LY75: variants seen among roughly 807,000 people sequenced by gnomAD.
LY75 encodes the protein C-type lectin domain family 13 member B.
A neutral mutation model predicts 231.7 loss-of-function variants in LY75; 185 were observed. That is an observed-to-expected ratio of 0.80 (90% confidence interval 0.71 to 0.90). The LOEUF (loss-of-function observed/expected upper bound fraction) is 0.90. Among genes scored for constraint, LY75 ranks in the 40% least tolerant of loss-of-function variants. The pLI, the probability that LY75 is intolerant of heterozygous loss-of-function variation, is 0.00. For synonymous variants in LY75, 668 were observed against 689.0 expected (o/e 0.97, Z 0.48); for missense variants, 1,947 against 2,050.2 (o/e 0.95, Z 0.97).
chr2:159,878,849 C>T, intron 9 of LY75, 128 bp from the exon 10 acceptor site: 2 of 997,038 alleles, frequency 2.0e-6, no homozygotes, highest in Admixed American at 4.6e-5. Context: ...CTATTGAAAT[C>T]ATACATGTGA....
intron 6 of LY75, among the ~76,000 whole-genome samples, chr2:159,883,205 G>T (rs1034682415): frequency 1.3e-5 from 2 of 150,364 alleles, no homozygotes; most frequent in African/African-American, 2.4e-5. Context: ...TGGGTGCAGC[G>T]CACCAGCATG....
intron 23 of LY75, among the ~76,000 whole-genome samples, chr2:159,843,747 C>G (rs916660224): frequency 1.3e-5 from 2 of 151,992 alleles, no homozygotes; most frequent in Non-Finnish European, 2.9e-5. Context: ...AGAGTATGAT[C>G]TCTGCAAAGA....
At position 159,854,432 on chromosome 2, in the gene LY75, G is replaced by T; in HGVS notation, c.2523C>A (p.Ala841=). The T allele has an allele frequency of 6.3e-7, 1 of 1,576,870 alleles. No individual in the cohort carries two copies. Among genetic ancestry groups the T allele is most frequent in the Non-Finnish European group, 8.6e-7 (1 of 1,156,882 alleles). The part of the protein sequence containing the change: ...LNYEEAVLYC[A]SNHSFLATIT... ...TAGTTGCAAGAAAGCTGTGATTGCTGGCACAGTACAGGACGGCTTCTTCAT... is the reference window on the plus strand; with the variant it reads ...TAGTTGCAAGAAAGCTGTGATTGCTTGCACAGTACAGGACGGCTTCTTCAT... Residue 841 remains alanine, a synonymous_variant, in exon 18 of 35, where the codon GCC becomes GCA. Transcript: ENST00000263636.
At position 159,834,042 on chromosome 2, in the gene LY75, A is replaced by C; in HGVS notation, c.3841+2T>G. The C allele has an allele frequency of 6.2e-7, 1 of 1,612,904 alleles. No individual in the cohort carries two copies. The highest frequency in any genetic ancestry group is 1.1e-5 in the South Asian group (1 of 90,942). ...ATGAGAATGGACTAATATAATACTT[A>C]CTCAGTTTCTGGCATTTAGTATGAA... On this transcript the variant is annotated splice_donor_variant, in intron 27 of 34. Coordinates refer to ENST00000263636, the MANE Select transcript of LY75 (RefSeq NM_002349.4). LOFTEE classifies it high-confidence loss of function.
chr2:159,839,866 C>A (rs149978370), intron 25 of LY75, among the ~76,000 whole-genome samples: 4,631 of 151,862 alleles, frequency 0.03, 217 homozygotes, highest in African/African-American at 0.1. Flanking sequence ...ATTAGCTGGG[C>A]GTGTTGGCGC....
intron 28 of LY75, among the ~76,000 whole-genome samples, chr2:159,826,367 G>C (rs1449799522): frequency 6.6e-6 from 1 of 152,074 alleles, no homozygotes; most frequent in African/African-American, 2.4e-5. Context: ...CTGTTACAAA[G>C]AGAATAAAAT....
At chr2:159,878,104 T>G (rs1685326907) in intron 11 of LY75, among the ~76,000 whole-genome samples, 1 of 152,172 alleles carries the variant, frequency 6.6e-6, no homozygotes, top group Non-Finnish European at 1.5e-5. Flanking sequence ...GATGGTGGTT[T>G]GGGAGAACTA....
chr2:159,806,958 AG>A lies in LY75; in HGVS notation c.4990+14del. 1.2e-6 allele frequency: 2 copies of A among 1,604,312 alleles called. No individual in the cohort carries two copies. Among genetic ancestry groups the A allele is most frequent in the Non-Finnish European group, 1.7e-6 (2 of 1,175,000 alleles). ...GTTCTGCAAAAAGTCTCCTAAGGAC[AG>A]GTTCCATACTTACCCAGAGGCACTT... On this transcript the variant is annotated intron_variant, in intron 34 of 34. Transcript: ENST00000263636.
At chr2:159,850,593 T>C in intron 21 of LY75, 126 bp from the exon 22 acceptor site, 1 of 1,171,600 alleles carries the variant, frequency 8.5e-7, no homozygotes, top group Non-Finnish European at 1.2e-6. Context: ...ATTTGCAATG[T>C]AGTACCATAA....
chr2:159,861,146 T>C (rs1684689033), intron 14 of LY75, among the ~76,000 whole-genome samples: 1 of 152,186 alleles, frequency 6.6e-6, no homozygotes, highest in Non-Finnish European at 1.5e-5. Flanking sequence ...GCTGGAGTCA[T>C]AGAGAATCAG....
rs569199336 is a variant in LY75, at chr2:159,894,224, T to C, written c.467-140A>G. 8.3e-6 allele frequency: 9 copies of C among 1,086,842 alleles called. No homozygotes were observed. In the African/African-American group the frequency reaches 1.3e-4, roughly 16 times the overall value. The allele number at this position is 1,086,842 out of a possible 1,614,324, so 67.3% of individuals were successfully genotyped here. On this transcript the variant is annotated intron_variant, in intron 2 of 34. Coordinates refer to ENST00000263636, the MANE Select transcript of LY75 (RefSeq NM_002349.4). ...GTGTAGGAATTCAGAGCATGGGTGC[T>C]GTCAGGTCTGGATATGAATGCTGGC...
Position 159,805,173 on chromosome 2 carries a change from T to C in LY75, c.5040A>G (p.Leu1680=), listed in dbSNP as rs778048939. ...ACCAAATCAGTCCGCCCATGAGAAC[T>C]AAGATACTTAGTGTGGCAACTATGA... is the stretch of plus-strand genomic sequence containing the variant. The part of the protein sequence containing the change: ...IAIIVATLSI[L]VLMGGLIWFL... Residue 1680 remains leucine (L), a synonymous_variant, in exon 35 of 35, where the codon TTA becomes TTG. Transcript: ENST00000263636. The C allele has an allele frequency of 6.2e-7, 1 of 1,614,140 alleles. No individual in the cohort carries two copies. Among genetic ancestry groups the C allele is most frequent in the Non-Finnish European group, 8.5e-7 (1 of 1,179,998 alleles).
chr2:159,904,539 G>C, intron 1 of LY75, 50 bp downstream of exon 1: 1 of 1,490,110 alleles, frequency 6.7e-7, no homozygotes, highest in South Asian at 1.2e-5. Context: ...CAGCAGAGCT[G>C]TGGCGTCGAG....
intron 3 of LY75, among the ~76,000 whole-genome samples, chr2:159,891,579 T>C (rs1008759697): frequency 6.6e-6 from 1 of 152,058 alleles, no homozygotes; most frequent in African/African-American, 2.4e-5. Context: ...GCTTCTTCCA[T>C]AAAAAGTAAC....
intron 31 of LY75, among the ~76,000 whole-genome samples, chr2:159,814,680 T>A (rs1445628461): frequency 6.6e-4 from 88 of 133,338 alleles, no homozygotes; most frequent in South Asian, 1.7e-3. Flanking sequence ...AAAGAAAAGA[T>A]AAGAAAAGAA....
chr2:159,857,310 G>A (rs1389307774), intron 16 of LY75, among the ~76,000 whole-genome samples: 1 of 152,158 alleles, frequency 6.6e-6, no homozygotes, highest in East Asian at 1.9e-4. Flanking sequence ...TCCATGATGT[G>A]AACTTTGGGT....
chr2:159,809,924 C>T (rs1028518657), intron 32 of LY75, among the ~76,000 whole-genome samples: 5 of 152,186 alleles, frequency 3.3e-5, no homozygotes, highest in Admixed American at 2.6e-4. Flanking sequence ...GTGATCCTCC[C>T]ACCTCGGCCT....
Position 159,820,883 on chromosome 2 carries a change from A to G in LY75, c.3959-963T>C, listed in dbSNP as rs190382617. Reference sequence around the variant, plus strand: ...GAGACACAGTCTCACTCTGTCACCCAGGCTGGAGTGCAGTGGCACGATCTC... The same window carrying G: ...GAGACACAGTCTCACTCTGTCACCCGGGCTGGAGTGCAGTGGCACGATCTC... On this transcript the variant is annotated intron_variant, in intron 28 of 34. Transcript: ENST00000263636. 2.6e-3 allele frequency among the ~76,000 whole-genome samples: 402 copies of G among 152,304 alleles called. 1 individual carries two copies. Among genetic ancestry groups the G allele is most frequent in the African/African-American group, 9.1e-3 (378 of 41,560 alleles).
In LY75 at chr2:159,882,263, A is replaced by T. The variant is rs146757049; in HGVS notation, c.1107T>A (p.Asn369Lys). 1.2e-5 allele frequency: 20 copies of T among 1,614,054 alleles called. No homozygotes were observed. In the African/African-American group the frequency reaches 2.7e-4, roughly 22 times the overall value. The change falls in exon 7 of 35, where the codon AAT becomes AAA. Residue 369 changes from asparagine to lysine, a missense_variant. Transcript: ENST00000263636. ...CATTTACCAGCAGATAGCAAAATCC[A>T]TTATTTGGCAGCCAGCCTGCATCAC... ...TRCDAGWLPN[N>K]GFCYLLVNES... is the part of the protein sequence containing the mutation.
Sources: gnomAD v4.1 joint callset for allele counts (sites outside exome capture counted in the v4.1 genomes callset) on GRCh38, gnomAD v4.1.1 for gene constraint, MANE v1.5 for transcripts, NCBI Gene and HGNC (gene_info 2026-07-23, HGNC 2026-07-21) for gene names.